METTL16: variants seen among roughly 807,000 people sequenced by gnomAD.
METTL16 encodes methyltransferase 16, RNA N6-adenosine.
METTL16 carries 19 observed loss-of-function variants against 57.9 expected under a neutral mutation model. That is an observed-to-expected ratio of 0.33 (90% CI 0.23 to 0.48). METTL16 has a LOEUF of 0.48. Ranked by LOEUF, METTL16 falls within the 20% of genes least tolerant of loss-of-function variation. METTL16 has a pLI of 0.99. For missense variants in METTL16, 434 were observed against 691.5 expected (o/e 0.63, Z 4.18); for synonymous variants, 246 against 255.6 (o/e 0.96, Z 0.36).
chr17:2,468,643 G>A (rs985810914), intron 4 of METTL16, among the ~76,000 whole-genome samples: 3 of 152,224 alleles, frequency 2.0e-5, no homozygotes, highest in Non-Finnish European at 4.4e-5. Flanking sequence ...TGCTTTGGGA[G>A]GCCAAGACGG....
At position 2,441,529 on chromosome 17, in the gene METTL16, G is replaced by T; in HGVS notation, c.759C>A (p.Cys253Ter). 3 of 1,596,382 alleles carry T rather than the reference G, an allele frequency of 1.9e-6. No individual in the cohort carries two copies. The highest frequency in any genetic ancestry group is 1.7e-5 in the Admixed American group (1 of 58,048). Residue 253 changes from cysteine to a stop codon, truncating the protein, a stop_gained, in exon 7 of 10, where the codon TGC (cysteine) becomes TGA (stop). Transcript: ENST00000263092. LOFTEE classifies it high-confidence loss of function. Reference sequence around the variant, plus strand: ...GCTCCTCCTTCAGAGGCGCCAGGCTGCATTTCTTTCCCAGCATGCAGCTAT... The same window carrying T: ...GCTCCTCCTTCAGAGGCGCCAGGCTTCATTTCTTTCCCAGCATGCAGCTAT... ...RWYSCMLGKK[C>*]SLAPLKEELR...
intron 6 of METTL16, among the ~76,000 whole-genome samples, chr17:2,457,608 T>A (rs2067120976): frequency 6.6e-6 from 1 of 150,512 alleles, no homozygotes; most frequent in Non-Finnish European, 1.5e-5. Flanking sequence ...CTTGGGAGAC[T>A]GAGGCAGGAG....
intron 5 of METTL16, among the ~76,000 whole-genome samples, chr17:2,465,931 A>T (rs1194664562): frequency 6.9e-6 from 1 of 145,760 alleles, no homozygotes; most frequent in Non-Finnish European, 1.5e-5. Context: ...GATGGCTTAC[A>T]CCTGTAATCC....
chr17:2,456,839 A>C (rs896135367), intron 6 of METTL16, among the ~76,000 whole-genome samples: 3 of 151,952 alleles, frequency 2.0e-5, no homozygotes, highest in Non-Finnish European at 2.9e-5. Context: ...CCCAGGCTGG[A>C]GTACACTGTC....
intron 8 of METTL16, among the ~76,000 whole-genome samples, chr17:2,428,602 T>A (rs200600686): frequency 0.73 from 69,533 of 94,892 alleles, 26,232 homozygotes; most frequent in East Asian, 0.97. Flanking sequence ...TATATATATA[T>A]AAATTGTAAT....
intron 6 of METTL16, among the ~76,000 whole-genome samples, chr17:2,442,397 T>G (rs537348958): frequency 1.3e-5 from 2 of 151,898 alleles, no homozygotes; most frequent in South Asian, 2.1e-4. Context: ...TCTTGCTGAG[T>G]TGATGAGACA....
At chr17:2,494,140 G>A (rs1347407244) in intron 2 of METTL16, among the ~76,000 whole-genome samples, 1 of 152,038 alleles carries the variant, frequency 6.6e-6, no homozygotes. Context: ...CTATCTCCTG[G>A]GTTCAAGTGA....
chr17:2,453,609 C>T (rs1028469509), intron 6 of METTL16, among the ~76,000 whole-genome samples: 6 of 152,340 alleles, frequency 3.9e-5, no homozygotes, highest in South Asian at 4.1e-4. Context: ...TCCCACACTT[C>T]TCTCTGTAAC....
chr17:2,495,838 G>A (rs763532165), intron 2 of METTL16, among the ~76,000 whole-genome samples: 10 of 151,660 alleles, frequency 6.6e-5, no homozygotes, highest in Non-Finnish European at 1.5e-4. Context: ...GCCGGGCGCG[G>A]TGGCTCACGC....
rs375545024 is a variant in METTL16 at position 2,420,142 on chromosome 17, C to T, written c.1517G>A (p.Arg506His). 4.8e-5 allele frequency: 78 copies of T among 1,614,136 alleles called. No individual in the cohort carries two copies. Among genetic ancestry groups the T allele is most frequent in the Non-Finnish European group, 5.3e-5 (63 of 1,180,058 alleles). The change falls in exon 10 of 10, where the codon CGT becomes CAT. Residue 506 changes from arginine to histidine, a missense_variant. Arg to His is a conservative substitution (Grantham distance 29, BLOSUM62 0). Transcript: ENST00000263092. This position sits in a 1 kb window ranked among gnomAD's most constrained non-coding sequence, Gnocchi z 5.4. ...FGSPVAERGKRLPGVAGQYLF... is the reference protein window; with the variant it reads ...FGSPVAERGKHLPGVAGQYLF... ...GTACTGTCCGGCCACTCCTGGGAGA[C>T]GTTTCCCCCTTTCAGCCACTGGGCT... is the stretch of plus-strand genomic sequence containing the variant.
intron 1 of METTL16, among the ~76,000 whole-genome samples, chr17:2,505,476 T>C (rs2067525759): frequency 7.3e-6 from 1 of 136,214 alleles, no homozygotes; most frequent in Non-Finnish European, 1.5e-5. Context: ...ATTGAACTCC[T>C]GGCCTCAAGC....
chr17:2,434,025 G>A (rs911504329), intron 8 of METTL16, among the ~76,000 whole-genome samples: 5 of 152,158 alleles, frequency 3.3e-5, no homozygotes, highest in African/African-American at 1.2e-4. Context: ...ATCATTGTGA[G>A]TAACAGAAAA....
chr17:2,481,847 T>C (rs1335402210), intron 2 of METTL16, among the ~76,000 whole-genome samples: 1 of 78,502 alleles, frequency 1.3e-5, no homozygotes, highest in African/African-American at 5.4e-5. Flanking sequence ...ATTACCAGAC[T>C]TTAAGGCTTA....
chr17:2,493,135 T>C (rs1191566608), intron 2 of METTL16, among the ~76,000 whole-genome samples: 1 of 149,880 alleles, frequency 6.7e-6, no homozygotes, highest in Non-Finnish European at 1.5e-5. Flanking sequence ...TCTTCTTTTT[T>C]TTTTTTTTTT....
chr17:2,426,269 C>A (rs1041885876), intron 8 of METTL16, among the ~76,000 whole-genome samples: 3 of 152,112 alleles, frequency 2.0e-5, no homozygotes, highest in African/African-American at 7.2e-5. Context: ...GTTGCCCAGG[C>A]TGGCCTTGAA....
At chr17:2,429,666 A>T (rs1285668696) in intron 8 of METTL16, among the ~76,000 whole-genome samples, 1 of 152,036 alleles carries the variant, frequency 6.6e-6, no homozygotes, top group East Asian at 1.9e-4. Context: ...ATGATCATCA[A>T]TGACTGCTCA....
intron 6 of METTL16, among the ~76,000 whole-genome samples, chr17:2,451,879 C>A (rs906738786): frequency 6.6e-6 from 1 of 151,994 alleles, no homozygotes; most frequent in Non-Finnish European, 1.5e-5. Context: ...GGCGTGGTGG[C>A]TCACATCTGT....
At chr17:2,429,124 C>T (rs1201003586) in intron 8 of METTL16, among the ~76,000 whole-genome samples, 1 of 151,218 alleles carries the variant, frequency 6.6e-6, no homozygotes, top group African/African-American at 2.4e-5. Flanking sequence ...TCCCAAAGCG[C>T]TGGGATTACA....
chr17:2,468,494 G>A (rs1016668102), intron 4 of METTL16, among the ~76,000 whole-genome samples: 12 of 152,200 alleles, frequency 7.9e-5, no homozygotes, highest in Non-Finnish European at 1.3e-4. Context: ...CAACTTGACC[G>A]CAAATGCATC....
Sources: gnomAD v4.1 joint callset for allele counts (sites outside exome capture counted in the v4.1 genomes callset) on GRCh38, gnomAD v4.1.1 for gene constraint, Gnocchi (gnomAD v3.1) non-coding constraint, MANE v1.5 for transcripts, NCBI Gene and HGNC (gene_info 2026-07-23, HGNC 2026-07-21) for gene names.